The following DOCK11 variants were observed in gnomAD, a reference collection of about 807,000 sequenced individuals.
DOCK11 encodes dedicator of cytokinesis 11, also known as dedicator of cytokinesis protein 11.
In DOCK11, 70 loss-of-function variants were observed where a neutral mutation model predicts 169.1. The ratio of observed to expected loss-of-function variants is 0.41; its 90% CI spans 0.34 to 0.51. DOCK11 has a LOEUF of 0.51. Ranked by LOEUF, DOCK11 falls within the 20% of genes least tolerant of loss-of-function variation. DOCK11 has a pLI of 0.10. For missense variants in DOCK11, 1,166 were observed against 1,538.8 expected (o/e 0.76, Z 4.05); for synonymous variants, 529 against 541.3 (o/e 0.98, Z 0.32).
At chrX:118,649,253 T>C (rs67111188) in intron 41 of DOCK11, 126 bp downstream of exon 41, 70,716 of 478,265 alleles carry the variant, frequency 0.15, 4,415 homozygotes, top group Non-Finnish European at 0.17. Context: ...GTGTGGCTAG[T>C]CTAAATTTAG....
chrX:118,524,209 C>T (rs915298004), intron 1 of DOCK11, among the ~76,000 whole-genome samples: 7 of 111,516 alleles, frequency 6.3e-5, no homozygotes, highest in East Asian at 2.8e-4. Flanking sequence ...AGTTGGGGGA[C>T]GATTGATGAG....
chrX:118,619,604 A>T (rs1356230946), intron 31 of DOCK11, among the ~76,000 whole-genome samples: 2 of 109,068 alleles, frequency 1.8e-5, no homozygotes, highest in South Asian at 7.7e-4. Flanking sequence ...TTTTTAAAAA[A>T]TTTATTCTGT....
In DOCK11 at chrX:118,590,253, C is replaced by T. The variant is rs1196185625; in HGVS notation, c.2090C>T (p.Ala697Val). The change falls in exon 19 of 53, where the codon GCT becomes GTT. Residue 697 changes from alanine (A) to valine (V), a missense_variant. Coordinates refer to ENST00000276202, the MANE Select transcript of DOCK11 (RefSeq NM_144658.4). ...KPAGSVFTTN[A>V]YAVVSHHNQN... ...GCAGGGTCTGTTTTTACCACAAATG[C>T]TTATGCTGTTGTCTCGCATCACAAC... 2.5e-6 allele frequency: 3 copies of T among 1,210,981 alleles called. No homozygotes were observed. The highest frequency in any genetic ancestry group is 3.4e-6 in the Non-Finnish European group (3 of 894,953).
At chrX:118,518,776 G>A (rs955513004) in intron 1 of DOCK11, among the ~76,000 whole-genome samples, 1 of 111,320 alleles carries the variant, frequency 9.0e-6, no homozygotes, top group Non-Finnish European at 1.9e-5. Context: ...TGGACTTTGG[G>A]TGTTATGATG....
intron 36 of DOCK11, 105 bp from the exon 37 acceptor site, chrX:118,637,975 G>A (rs1261370415): frequency 1.5e-5 from 9 of 604,443 alleles, no homozygotes; most frequent in Non-Finnish European, 2.3e-5. Flanking sequence ...ATTATAATAT[G>A]ATTTAAATAG....
At chrX:118,504,805 C>T (rs936858100) in intron 1 of DOCK11, among the ~76,000 whole-genome samples, 24 of 111,677 alleles carry the variant, frequency 2.1e-4, no homozygotes, top group African/African-American at 7.2e-4. Context: ...CCTGGACGCT[C>T]CCAGAGCAGT....
intron 1 of DOCK11, among the ~76,000 whole-genome samples, chrX:118,506,485 G>A (rs2057613273): frequency 9.1e-6 from 1 of 110,310 alleles, no homozygotes. Context: ...GGCCAACATG[G>A]TAAAACCCTG....
intron 1 of DOCK11, among the ~76,000 whole-genome samples, chrX:118,505,343 A>G (rs2057604467): frequency 8.9e-6 from 1 of 112,334 alleles, no homozygotes; most frequent in African/African-American, 3.2e-5. Context: ...GAGTTATTAT[A>G]TTCTTAATGT....
At chrX:118,646,955 G>A (rs2015686363) in intron 40 of DOCK11, among the ~76,000 whole-genome samples, 1 of 109,577 alleles carries the variant, frequency 9.1e-6, no homozygotes. Flanking sequence ...TTATTTGCTT[G>A]CCTAGACCTA....
At chrX:118,580,228 G>A (rs375685172) in intron 14 of DOCK11, 49 bp downstream of exon 14, 2 of 1,046,387 alleles carry the variant, frequency 1.9e-6, no homozygotes, top group Non-Finnish European at 2.6e-6. Context: ...CATATGTGAA[G>A]TTAAGGGCTG....
intron 7 of DOCK11, among the ~76,000 whole-genome samples, chrX:118,564,707 CTCTT>C (rs776267819): frequency 4.6e-5 from 4 of 87,023 alleles, no homozygotes; most frequent in Non-Finnish European, 9.6e-5. Flanking sequence ...CTGTTTCTTT[CTCTT>C]TCTCTCTCTC....
chrX:118,545,679 A>T (rs1397129329), intron 5 of DOCK11, among the ~76,000 whole-genome samples: 2 of 111,346 alleles, frequency 1.8e-5, no homozygotes, highest in African/African-American at 6.5e-5. Flanking sequence ...TGAGTTGGGC[A>T]TGTGGTGTGG....
chrX:118,577,496 A>G (rs2013484852), intron 12 of DOCK11, among the ~76,000 whole-genome samples: 1 of 112,769 alleles, frequency 8.9e-6, no homozygotes, highest in African/African-American at 3.2e-5. Flanking sequence ...TGTTGGAGCC[A>G]GAACCCAAGA....
intron 14 of DOCK11, among the ~76,000 whole-genome samples, chrX:118,580,655 C>A (rs1487365436): frequency 1.1e-5 from 1 of 88,166 alleles, no homozygotes; most frequent in African/African-American, 4.6e-5. Context: ...GCATCAAAGA[C>A]CCTCTCATTT....
chrX:118,675,120 C>G (rs1037470428), intron 46 of DOCK11, among the ~76,000 whole-genome samples: 3 of 112,325 alleles, frequency 2.7e-5, no homozygotes, highest in African/African-American at 9.7e-5. Context: ...CATTCTGTAG[C>G]TCGTCTTTCA....
rs1216228275 is a variant in DOCK11, at chrX:118,545,349, C to A, written c.419C>A (p.Pro140His). 8.3e-7 allele frequency: 1 copy of A among 1,200,787 alleles called. No individual in the cohort carries two copies. Among genetic ancestry groups the A allele is most frequent in the Admixed American group, 2.2e-5 (1 of 44,879 alleles). ...PCKSLRPEKI[P>H]NHVFEIDEDC... is the part of the protein sequence containing the mutation. ...AAATCTTTGAGACCAGAAAAGATTC[C>A]TAATCATGTATTTGAGATAGATGAA... Residue 140 changes from proline to histidine, a missense_variant, in exon 5 of 53, where the codon CCT (proline) becomes CAT (histidine). Physicochemically the swap from Pro to His is moderately conservative, Grantham distance 77. Coordinates refer to ENST00000276202, the MANE Select transcript of DOCK11 (RefSeq NM_144658.4).
intron 1 of DOCK11, among the ~76,000 whole-genome samples, chrX:118,519,698 T>C (rs1188760068): frequency 2.7e-5 from 3 of 112,303 alleles, no homozygotes; most frequent in Non-Finnish European, 5.6e-5. Flanking sequence ...GTGGCCCATA[T>C]GTAAATCAAA....
At chrX:118,500,367 C>A (rs2057568156) in intron 1 of DOCK11, among the ~76,000 whole-genome samples, 1 of 111,149 alleles carries the variant, frequency 9.0e-6, no homozygotes, top group Admixed American at 9.5e-5. Flanking sequence ...TTATTACATG[C>A]CAAATGCTTG....
At chrX:118,547,005 A>AT (rs202047761) in intron 6 of DOCK11, among the ~76,000 whole-genome samples, 1,276 of 102,282 alleles carry the variant, frequency 0.012, 17 homozygotes, top group African/African-American at 0.037. Context: ...TAAATAGATA[A>AT]TTTTTTTTTT....
Sources: gnomAD v4.1 joint callset for allele counts (sites outside exome capture counted in the v4.1 genomes callset) on GRCh38, gnomAD v4.1.1 for gene constraint, MANE v1.5 for transcripts, NCBI Gene and HGNC (gene_info 2026-07-23, HGNC 2026-07-21) for gene names.